The following KIZ variants were observed in gnomAD, a reference collection of about 807,000 sequenced individuals.
KIZ encodes centrosomal protein kizuna.
Under a neutral mutation model 79.6 loss-of-function variants are expected in KIZ, and 68 were observed. The ratio of observed to expected loss-of-function variants is 0.85; its 90% CI spans 0.70 to 1.05. KIZ has a LOEUF of 1.05. Among genes scored for constraint, KIZ ranks in the 50% least tolerant of loss-of-function variants. The pLI is 0.00. For synonymous variants in KIZ, 280 were observed against 281.8 expected, an observed-to-expected ratio of 0.99 and a Z score of 0.06; for missense variants, 797 against 800.4, an observed-to-expected ratio of 1.00 and a Z score of 0.05.
intron 6 of KIZ, among the ~76,000 whole-genome samples, chr20:21,184,391 T>A (rs1337916722): frequency 6.6e-6 from 1 of 152,170 alleles, no homozygotes; most frequent in Non-Finnish European, 1.5e-5. Flanking sequence ...CCTCAGGCGA[T>A]CCACCTGCTC....
At chr20:21,182,247 A>T (rs2034685232) in intron 6 of KIZ, among the ~76,000 whole-genome samples, 1 of 152,076 alleles carries the variant, frequency 6.6e-6, no homozygotes, top group Non-Finnish European at 1.5e-5. Flanking sequence ...TCTCGCCCCC[A>T]CCGTCTGAGG....
intron 9 of KIZ, among the ~76,000 whole-genome samples, chr20:21,219,416 C>CA (rs1192029708): frequency 6.6e-6 from 1 of 152,022 alleles, no homozygotes; most frequent in Non-Finnish European, 1.5e-5. Context: ...CTCCTGGGCT[C>CA]AAGTGATCTT....
In KIZ at chr20:21,227,543, CAG is replaced by C. The variant is rs374648508; in HGVS notation, c.1679-1467_1679-1466del. ...TGATTTTTATAAAATAAAAACAAAA[CAG>C]GGCATTTTTACCTCTTTTACACTGA... On this transcript the variant is annotated intron_variant, in intron 9 of 12. Transcript: ENST00000619189. 1.1e-3 allele frequency among the ~76,000 whole-genome samples: 174 copies of C among 152,230 alleles called. 2 individuals carry two copies. Among genetic ancestry groups the C allele is most frequent in the African/African-American group, 4.1e-3 (169 of 41,548 alleles).
chr20:21,227,560 T>C (rs1046154038), intron 9 of KIZ, among the ~76,000 whole-genome samples: 4 of 152,204 alleles, frequency 2.6e-5, no homozygotes, highest in Non-Finnish European at 5.9e-5. Context: ...TTTTTACCTC[T>C]TTTACACTGA....
At chr20:21,159,255 G>A (rs1363325152) in intron 4 of KIZ, among the ~76,000 whole-genome samples, 1 of 152,018 alleles carries the variant, frequency 6.6e-6, no homozygotes, top group Non-Finnish European at 1.5e-5. Flanking sequence ...CTGGGCTCAA[G>A]CAATCCTCCC....
chr20:21,136,776 A>G (rs1304255705), intron 3 of KIZ, among the ~76,000 whole-genome samples: 3 of 152,048 alleles, frequency 2.0e-5, no homozygotes, highest in African/African-American at 7.2e-5. Context: ...CCCCAGGTTT[A>G]TGTTTTGTTT....
intron 6 of KIZ, among the ~76,000 whole-genome samples, chr20:21,192,350 A>G (rs1360143694): frequency 2.4e-5 from 3 of 122,596 alleles, no homozygotes; most frequent in Non-Finnish European, 3.2e-5. Flanking sequence ...GGGTTATACT[A>G]TGTTGCCCAG....
chr20:21,150,352 C>T (rs772706313), intron 4 of KIZ, among the ~76,000 whole-genome samples: 3 of 152,122 alleles, frequency 2.0e-5, no homozygotes, highest in Non-Finnish European at 2.9e-5. Context: ...TGTATAAGCC[C>T]GATTTCTTAT....
At chr20:21,162,536 G>C (rs370911626) in intron 5 of KIZ, 29 bp downstream of exon 5, 23 of 1,572,034 alleles carry the variant, frequency 1.5e-5, no homozygotes, top group Non-Finnish European at 1.9e-5. Context: ...TTTGGTTGCT[G>C]ATTTTTCTGG....
intron 7 of KIZ, among the ~76,000 whole-genome samples, chr20:21,212,959 G>A (rs2036130747): frequency 6.6e-6 from 1 of 152,146 alleles, no homozygotes; most frequent in African/African-American, 2.4e-5. Context: ...GAAATCTAGG[G>A]ACTAGTTTCT....
chr20:21,140,984 C>T (rs1179728006), intron 3 of KIZ, among the ~76,000 whole-genome samples: 5 of 151,600 alleles, frequency 3.3e-5, no homozygotes, highest in South Asian at 4.2e-4. Flanking sequence ...CTAGCCCTGG[C>T]GACAGAGCAA....
chr20:21,135,279 G>A (rs911863576), intron 2 of KIZ, among the ~76,000 whole-genome samples: 2 of 152,130 alleles, frequency 1.3e-5, no homozygotes, highest in Admixed American at 6.6e-5. Context: ...TACCCACTCC[G>A]GGTAGACACC....
At chr20:21,164,580 C>G (rs550580157) in intron 6 of KIZ, among the ~76,000 whole-genome samples, 3 of 152,130 alleles carry the variant, frequency 2.0e-5, no homozygotes, top group Admixed American at 2.0e-4. Flanking sequence ...CTTTGGTAGG[C>G]TAACAAGGGG....
intron 2 of KIZ, among the ~76,000 whole-genome samples, chr20:21,134,269 A>G (rs1479977187): frequency 6.6e-6 from 1 of 152,184 alleles, no homozygotes; most frequent in African/African-American, 2.4e-5. Flanking sequence ...TTCGACACTG[A>G]CTGAAACGTC....
chr20:21,168,080 C>A (rs2034031212), intron 6 of KIZ, among the ~76,000 whole-genome samples: 1 of 152,102 alleles, frequency 6.6e-6, no homozygotes, highest in African/African-American at 2.4e-5. Context: ...ACTCCCCTAC[C>A]CCACAACAGG....
chr20:21,138,629 T>C (rs377584528), intron 3 of KIZ, among the ~76,000 whole-genome samples: 196 of 152,284 alleles, frequency 1.3e-3, no homozygotes, highest in Non-Finnish European at 2.2e-3. Flanking sequence ...GAGGCTGACT[T>C]TGACCCCTTG....
In KIZ at chr20:21,205,567, A is replaced by C. The variant is rs768471324; in HGVS notation, c.1429A>C (p.Asn477His). The C allele has an allele frequency of 6.6e-7, 1 of 1,521,216 alleles. No homozygotes were observed. The highest frequency in any genetic ancestry group is 1.2e-5 in the South Asian group (1 of 84,268). The allele number at this position is 1,521,216 out of a possible 1,614,324, so 94.2% of individuals were successfully genotyped here. ...TGTTGCCACCTTGAAAGAACATGAT[A>C]ATTCTGTCAAAGAAGAGGTAGGTAG... is the stretch of plus-strand genomic sequence containing the variant. ...QHVATLKEHD[N>H]SVKEEATALL... Residue 477 changes from asparagine to histidine, a missense_variant, in exon 7 of 13, where the codon AAT becomes CAT. Asn to His is a moderately conservative substitution (Grantham distance 68). Transcript: ENST00000619189.
intron 4 of KIZ, chr20:21,149,056 A>G (rs2032986949): frequency 6.6e-6 from 1 of 152,226 alleles, no homozygotes; most frequent in Admixed American, 6.5e-5. Flanking sequence ...AATCTTCTCA[A>G]CAACCCTGGA....
intron 7 of KIZ, among the ~76,000 whole-genome samples, chr20:21,213,046 A>G (rs2036133895): frequency 6.6e-6 from 1 of 152,196 alleles, no homozygotes; most frequent in South Asian, 2.1e-4. Flanking sequence ...CTTGACACCA[A>G]GTTCTTTGGC....
Sources: allele counts gnomAD v4.1 joint callset (sites outside exome capture counted in the v4.1 genomes callset), GRCh38; gene constraint gnomAD v4.1.1; transcripts MANE v1.5; gene names NCBI Gene and HGNC (gene_info 2026-07-23, HGNC 2026-07-21).